EIF3H: variants seen among roughly 807,000 people sequenced by gnomAD.
EIF3H encodes eIF-3-gamma.
Under a neutral mutation model 44.2 loss-of-function variants are expected in EIF3H, and 26 were observed. The ratio of observed to expected loss-of-function variants is 0.59; its 90% CI spans 0.43 to 0.82. EIF3H has a LOEUF of 0.82. EIF3H is among the 40% of genes least tolerant of loss of function. EIF3H has a pLI of 0.00. For missense variants in EIF3H, 359 were observed against 432.8 expected, an observed-to-expected ratio of 0.83 and a Z score of 1.51; for synonymous variants, 166 against 151.9, an observed-to-expected ratio of 1.09 and a Z score of -0.68.
rs555721557 is a variant in EIF3H, at chr8:116,648,162, A to AT, written c.828+643dup. ...ATAAATACTACTTTCACAGATAAAC[A>AT]TTCTGGAATCAACTAATCTATGAAT... On this transcript the variant is annotated intron_variant, in intron 6 of 7. Coordinates refer to ENST00000521861, the MANE Select transcript of EIF3H (RefSeq NM_003756.3). Among the ~76,000 whole-genome samples, 601 of 152,344 alleles carry AT rather than the reference A, an allele frequency of 3.9e-3. 6 individuals are homozygous for AT. Among genetic ancestry groups the AT allele is most frequent in the African/African-American group, 0.013 (536 of 41,582 alleles).
intron 2 of EIF3H, among the ~76,000 whole-genome samples, chr8:116,666,673 G>A (rs978954716): frequency 2.2e-5 from 3 of 134,144 alleles, no homozygotes; most frequent in African/African-American, 5.6e-5. Context: ...ATAAAGAATA[G>A]CTTACTGACC....
chr8:116,682,283 T>G (rs1814003099), intron 2 of EIF3H, among the ~76,000 whole-genome samples: 1 of 152,218 alleles, frequency 6.6e-6, no homozygotes, highest in South Asian at 2.1e-4. Context: ...TACATAGAGG[T>G]CAAAAGCATA....
In EIF3H at chr8:116,665,737, A is replaced by G. The variant is rs115978716; in HGVS notation, c.290-6757T>C. On this transcript the variant is annotated intron_variant, in intron 2 of 7. Transcript: ENST00000521861. ...CACCAGTGAGCACTAGGCTGTGAAC[A>G]GTGAAGGCTCTGTGCCATTATTTAA... 5.8e-3 allele frequency among the ~76,000 whole-genome samples: 885 copies of G among 152,338 alleles called. 8 individuals carry two copies. The highest frequency in any genetic ancestry group is 0.021 in the African/African-American group (864 of 41,574).
chr8:116,648,085 T>C (rs1771307123), intron 6 of EIF3H, among the ~76,000 whole-genome samples: 1 of 152,254 alleles, frequency 6.6e-6, no homozygotes, highest in Admixed American at 6.5e-5. Flanking sequence ...TAGAATTCTA[T>C]ATTTAACAAA....
At chr8:116,734,260 C>G (rs1238425467) in intron 1 of EIF3H, 1 of 455,296 alleles carries the variant, frequency 2.2e-6, no homozygotes, top group Non-Finnish European at 4.4e-6. Flanking sequence ...CAAGGAGGGG[C>G]AGGGAAGCAG....
chr8:116,735,583 TGTTTTAGA>T (rs973981493), intron 1 of EIF3H, among the ~76,000 whole-genome samples: 5 of 151,962 alleles, frequency 3.3e-5, no homozygotes, highest in Non-Finnish European at 7.4e-5. Flanking sequence ...GGACGACAAG[TGTTTTAGA>T]GTTTGGAATA....
intron 1 of EIF3H, among the ~76,000 whole-genome samples, chr8:116,764,798 C>T (rs1815551907): frequency 6.6e-6 from 1 of 152,218 alleles, no homozygotes. Context: ...GTATTACAGG[C>T]ATGAGCCACC....
At chr8:116,731,876 CAACT>C (rs1282323699) in intron 1 of EIF3H, among the ~76,000 whole-genome samples, 1 of 152,146 alleles carries the variant, frequency 6.6e-6, no homozygotes, top group Non-Finnish European at 1.5e-5. Context: ...AGTAGAAACC[CAACT>C]TAGCAAATTC....
At chr8:116,720,164 A>T (rs1814721175) in intron 2 of EIF3H, among the ~76,000 whole-genome samples, 1 of 152,200 alleles carries the variant, frequency 6.6e-6, no homozygotes, top group South Asian at 2.1e-4. Flanking sequence ...TATTTTTATT[A>T]TTTAATGCTA....
chr8:116,642,552 T>C lies in EIF3H; in HGVS notation c.*2454A>G, dbSNP rs950504806. On this transcript the variant is annotated 3_prime_UTR_variant, in exon 8 of 8. Coordinates refer to ENST00000521861, the MANE Select transcript of EIF3H (RefSeq NM_003756.3). ...ATGATTAGAAAGTTAATGTCAAATA[T>C]CTTCTACTTTCTTGGTTTTTTAACA... is the stretch of plus-strand genomic sequence containing the variant. 1.3e-5 allele frequency: 2 copies of C among 152,220 alleles called. No individual in the cohort carries two copies. The highest frequency in any genetic ancestry group is 6.5e-5 in the Admixed American group (1 of 15,286). 9.4% of individuals were successfully genotyped at this position (152,220 alleles called of 1,614,324 possible). A position where few individuals can be genotyped will look rare whatever the true frequency, so the allele number is the denominator to read the frequency against.
intron 1 of EIF3H, among the ~76,000 whole-genome samples, chr8:116,736,068 A>G (rs1815033969): frequency 6.6e-6 from 1 of 152,248 alleles, no homozygotes; most frequent in Non-Finnish European, 1.5e-5. Context: ...AAGGTAAAAT[A>G]CCAATAGACA....
intron 2 of EIF3H, among the ~76,000 whole-genome samples, chr8:116,670,126 T>C (rs1348515273): frequency 6.6e-6 from 1 of 152,198 alleles, no homozygotes; most frequent in Non-Finnish European, 1.5e-5. Flanking sequence ...ATGTGTGAAT[T>C]TCCTATAATC....
intron 2 of EIF3H, among the ~76,000 whole-genome samples, chr8:116,668,930 G>A (rs1813709823): frequency 6.6e-6 from 1 of 152,140 alleles, no homozygotes; most frequent in Non-Finnish European, 1.5e-5. Context: ...GGAAATGTTT[G>A]TGTAGAATTG....
chr8:116,686,607 G>C (rs1814081531), intron 2 of EIF3H, among the ~76,000 whole-genome samples: 1 of 151,248 alleles, frequency 6.6e-6, no homozygotes, highest in East Asian at 1.9e-4. Context: ...TTGCCTCTGA[G>C]CAGTTCAGAG....
At chr8:116,663,403 AAAACAGC>A (rs1813613430) in intron 2 of EIF3H, among the ~76,000 whole-genome samples, 1 of 152,224 alleles carries the variant, frequency 6.6e-6, no homozygotes, top group African/African-American at 2.4e-5. Context: ...AAGGGAAGTC[AAAACAGC>A]AATTTCAACT....
At chr8:116,645,971 A>G (rs567086903) in intron 7 of EIF3H, among the ~76,000 whole-genome samples, 42 of 152,370 alleles carry the variant, frequency 2.8e-4, no homozygotes, top group Admixed American at 6.5e-4. Flanking sequence ...GTCCTAGTAC[A>G]GGACACAGGA....
intron 5 of EIF3H, among the ~76,000 whole-genome samples, chr8:116,652,054 G>A (rs776502501): frequency 3.3e-5 from 5 of 152,140 alleles, no homozygotes; most frequent in Non-Finnish European, 5.9e-5. Context: ...AGACAAAATC[G>A]CCCCACGAGT....
chr8:116,670,988 A>C (rs80214057), intron 2 of EIF3H, among the ~76,000 whole-genome samples: 1,785 of 152,352 alleles, frequency 0.012, 38 homozygotes, highest in African/African-American at 0.04. Context: ...TGGACGGCAA[A>C]AACATTACTA....
At chr8:116,696,991 C>T (rs1814279706) in intron 2 of EIF3H, 5 of 419,458 alleles carry the variant, frequency 1.2e-5, no homozygotes, top group African/African-American at 4.1e-5. Flanking sequence ...CTCCATATTA[C>T]ATGTTAATAC....
Sources: gnomAD v4.1 joint callset for allele counts (sites outside exome capture counted in the v4.1 genomes callset) on GRCh38, gnomAD v4.1.1 for gene constraint, MANE v1.5 for transcripts, NCBI Gene and HGNC (gene_info 2026-07-23, HGNC 2026-07-21) for gene names.